Variants in ASCC1 observed in about 807,000 individuals in gnomAD.
ASCC1 encodes activating signal cointegrator 1 complex subunit 1, also known as ASC-1 complex subunit P50.
ASCC1 carries 35 observed loss-of-function variants against 46.6 expected under a neutral mutation model. The observed-to-expected ratio is 0.75, with a 90% CI of 0.57 to 0.99. The LOEUF (loss-of-function observed/expected upper bound fraction) is 0.99. Among genes scored for constraint, ASCC1 ranks in the 50% least tolerant of loss-of-function variants. ASCC1 has a pLI of 0.00. For synonymous variants in ASCC1, 143 were observed against 146.6 expected, an observed-to-expected ratio of 0.98 and a Z score of 0.18; for missense variants, 376 against 428.7, an observed-to-expected ratio of 0.88 and a Z score of 1.09.
intron 3 of ASCC1, among the ~76,000 whole-genome samples, chr10:72,207,553 G>A (rs1164088506): frequency 2.0e-5 from 3 of 152,074 alleles, no homozygotes; most frequent in Non-Finnish European, 4.4e-5. Flanking sequence ...GAATCACCTG[G>A]GGGGCTTCAA....
chr10:72,098,394 T>G (rs1841341781), intron 9 of ASCC1, among the ~76,000 whole-genome samples: 1 of 152,232 alleles, frequency 6.6e-6, no homozygotes. Flanking sequence ...GGTCTCTCGC[T>G]TTGTTGCCCA....
chr10:72,212,527 C>T (rs140236632), intron 2 of ASCC1, among the ~76,000 whole-genome samples: 2 of 152,152 alleles, frequency 1.3e-5, no homozygotes, highest in South Asian at 2.1e-4. Flanking sequence ...TAAATACATA[C>T]GTTCATTTAT....
intron 9 of ASCC1, among the ~76,000 whole-genome samples, chr10:72,105,107 T>C (rs1246790827): frequency 6.6e-6 from 1 of 152,182 alleles, no homozygotes; most frequent in Non-Finnish European, 1.5e-5. Context: ...TCATTCTTCT[T>C]GGATGCCAGA....
At chr10:72,183,924 G>A (rs535346844) in intron 5 of ASCC1, among the ~76,000 whole-genome samples, 180 of 152,052 alleles carry the variant, frequency 1.2e-3, no homozygotes, top group African/African-American at 3.9e-3. Context: ...AGGGCAGATC[G>A]CCTGAGGTCA....
rs186372347 is a variant in ASCC1, at chr10:72,187,519, G to A, written c.489+9292C>T. On this transcript the variant is annotated intron_variant, in intron 5 of 9. Transcript: ENST00000672957. The stretch of plus-strand genomic sequence containing the variant: ...GCGGATCACGAGGTCAGGAGATAGA[G>A]ACCATCCTGGCTAACACGGTGAAAC... 5.1e-3 allele frequency among the ~76,000 whole-genome samples: 777 copies of A among 152,054 alleles called. 10 individuals carry two copies. Among genetic ancestry groups the A allele is most frequent in the African/African-American group, 0.018 (748 of 41,474 alleles).
intron 7 of ASCC1, among the ~76,000 whole-genome samples, chr10:72,140,370 A>C (rs930307021): frequency 7.2e-5 from 11 of 152,218 alleles, no homozygotes; most frequent in African/African-American, 2.4e-4. Context: ...ATAAAGCTGA[A>C]GTATTAAGAT....
rs144001779 is a variant in ASCC1 at position 72,097,385 on chromosome 10, G to A, written c.1023C>T (p.Thr341=). 342 of 1,613,808 alleles carry A rather than the reference G, an allele frequency of 2.1e-4. 1 individual carries two copies. Among genetic ancestry groups the A allele is most frequent in the East Asian group, 1.1e-4 (5 of 44,884 alleles). The change falls in exon 10 of 10, where the codon ACC becomes ACT. Residue 341 remains threonine, a synonymous_variant. Transcript: ENST00000672957. ...LNSIHISQRF[T]VDSFGNYASC... is the part of the protein sequence containing the mutation. ...AAGCGTAGTTTCCAAAGCTGTCTAC[G>A]GTGAACCTCTGAGAGATGTGAATTG... is the stretch of plus-strand genomic sequence containing the variant.
intron 5 of ASCC1, among the ~76,000 whole-genome samples, chr10:72,194,540 T>C (rs549858341): frequency 2.6e-5 from 4 of 151,892 alleles, no homozygotes; most frequent in East Asian, 3.9e-4. Context: ...TTTTCACTTC[T>C]AGTGAAAAAA....
chr10:72,214,216 G>C (rs1353322144), intron 1 of ASCC1, among the ~76,000 whole-genome samples: 1 of 151,736 alleles, frequency 6.6e-6, no homozygotes, highest in Non-Finnish European at 1.5e-5. Flanking sequence ...ACAAAAAAAA[G>C]AGAGATTAAA....
intron 1 of ASCC1, among the ~76,000 whole-genome samples, chr10:72,214,848 GT>G (rs1858866805): frequency 6.6e-6 from 1 of 152,102 alleles, no homozygotes; most frequent in Non-Finnish European, 1.5e-5. Flanking sequence ...AACCAATATG[GT>G]TCTCAGACCA....
At chr10:72,165,115 T>A (rs934853203) in intron 5 of ASCC1, among the ~76,000 whole-genome samples, 2 of 143,220 alleles carry the variant, frequency 1.4e-5, no homozygotes, top group African/African-American at 6.1e-5. Context: ...AAGTTGAAAC[T>A]CTTTTTCTTT....
intron 7 of ASCC1, among the ~76,000 whole-genome samples, chr10:72,146,801 A>T (rs1847681485): frequency 6.6e-6 from 1 of 152,168 alleles, no homozygotes; most frequent in Non-Finnish European, 1.5e-5. Context: ...GGCATTTCAC[A>T]TTCAATCATT....
chr10:72,136,265 C>T (rs141394875), intron 7 of ASCC1, among the ~76,000 whole-genome samples: 3,968 of 152,070 alleles, frequency 0.026, 171 homozygotes, highest in African/African-American at 0.092. Flanking sequence ...ATGCACCAAT[C>T]GGCACTCTGT....
chr10:72,189,230 C>T (rs1442690085), intron 5 of ASCC1, among the ~76,000 whole-genome samples: 19 of 150,612 alleles, frequency 1.3e-4, no homozygotes, highest in African/African-American at 4.6e-4. Context: ...GAAACCCCAT[C>T]TCTACTAAAA....
At chr10:72,167,621 A>G (rs1332157803) in intron 5 of ASCC1, among the ~76,000 whole-genome samples, 1 of 151,964 alleles carries the variant, frequency 6.6e-6, no homozygotes, top group Non-Finnish European at 1.5e-5. Context: ...AAGCTGTTAA[A>G]TAAGTTGTGT....
intron 3 of ASCC1, chr10:72,204,396 C>T (rs1856912884): frequency 6.5e-7 from 1 of 1,550,246 alleles, no homozygotes; most frequent in African/African-American, 1.4e-5. Flanking sequence ...ACTTAAATCA[C>T]TTATTGACTC....
intron 7 of ASCC1, among the ~76,000 whole-genome samples, chr10:72,140,483 G>C (rs1229071861): frequency 5.3e-5 from 8 of 152,204 alleles, no homozygotes; most frequent in Non-Finnish European, 7.3e-5. Flanking sequence ...TGGTACATAA[G>C]CTATTGCTTA....
chr10:72,115,998 A>C (rs1330370468), intron 9 of ASCC1, among the ~76,000 whole-genome samples: 1 of 152,230 alleles, frequency 6.6e-6, no homozygotes, highest in Non-Finnish European at 1.5e-5. Context: ...AGTTAATAAA[A>C]GGTGCATCTA....
At chr10:72,188,339 G>A (rs777909435) in intron 5 of ASCC1, among the ~76,000 whole-genome samples, 5 of 151,624 alleles carry the variant, frequency 3.3e-5, no homozygotes, top group South Asian at 4.2e-4. Flanking sequence ...GGCTGGTCTC[G>A]AACTCCTGAC....
Sources: allele counts gnomAD v4.1 joint callset (sites outside exome capture counted in the v4.1 genomes callset), GRCh38; gene constraint gnomAD v4.1.1; transcripts MANE v1.5; gene names NCBI Gene and HGNC (gene_info 2026-07-23, HGNC 2026-07-21).